The following TATDN2 variants were observed in gnomAD, a reference collection of about 807,000 sequenced individuals.
TATDN2 encodes the protein TatD DNase domain containing 2.
TATDN2 carries 44 observed loss-of-function variants against 60.3 expected under a neutral mutation model. The observed-to-expected ratio is 0.73, with a 90% confidence interval of 0.57 to 0.94. The LOEUF (loss-of-function observed/expected upper bound fraction) is 0.94, where lower values mean the gene tolerates loss of function less well. Ranked by LOEUF, TATDN2 falls within the 40% of genes least tolerant of loss-of-function variation. The pLI, the probability that TATDN2 is intolerant of heterozygous loss-of-function variation, is 0.00. For missense variants in TATDN2, 997 were observed against 948.0 expected (o/e 1.05, Z -0.68); for synonymous variants, 399 against 355.8 (o/e 1.12, Z -1.37).
intron 3 of TATDN2, among the ~76,000 whole-genome samples, chr3:10,262,631 G>C (rs1323990907): frequency 6.8e-6 from 1 of 146,850 alleles, no homozygotes; most frequent in Admixed American, 7.2e-5. Context: ...CACTTCCTGG[G>C]TTCAAGTGAT....
At position 10,260,246 on chromosome 3, in the gene TATDN2, G is replaced by A. The variant is rs752460238; in HGVS notation, c.524G>A (p.Arg175Lys). Reference protein sequence around the residue: ...EEPNKVQKRKRDRLRDQGSTM... With the variant: ...EEPNKVQKRKKDRLRDQGSTM... ...CCCAACAAGGTCCAGAAAAGGAAGA[G>A]GGATAGACTTCGAGACCAGGGCTCC... Residue 175 changes from arginine to lysine, a missense_variant, in exon 3 of 8, where the codon AGG becomes AAG. Coordinates refer to ENST00000448281, the MANE Select transcript of TATDN2 (RefSeq NM_014760.4). The A allele has an allele frequency of 1.4e-5, 22 of 1,614,052 alleles. No homozygotes were observed. The highest frequency in any genetic ancestry group is 1.7e-5 in the Non-Finnish European group (20 of 1,180,048).
intron 2 of TATDN2, among the ~76,000 whole-genome samples, chr3:10,251,841 C>T (rs2125170894): frequency 6.9e-6 from 1 of 144,812 alleles, no homozygotes; most frequent in African/African-American, 2.7e-5. Context: ...GCCACCACAC[C>T]CTGCAGATTA....
intron 2 of TATDN2, among the ~76,000 whole-genome samples, chr3:10,251,016 A>G (rs1698227065): frequency 6.6e-6 from 1 of 152,158 alleles, no homozygotes; most frequent in South Asian, 2.1e-4. Context: ...CCTGGAACTC[A>G]GGTTTGAGGG....
At chr3:10,251,488 C>G (rs1698231722) in intron 2 of TATDN2, among the ~76,000 whole-genome samples, 1 of 152,066 alleles carries the variant, frequency 6.6e-6, no homozygotes, top group African/African-American at 2.4e-5. Context: ...TGGGTTCAAA[C>G]AATTCTCCTG....
At chr3:10,264,357 T>C (rs1222330662) in intron 3 of TATDN2, among the ~76,000 whole-genome samples, 1 of 152,238 alleles carries the variant, frequency 6.6e-6, no homozygotes, top group East Asian at 1.9e-4. Flanking sequence ...TAGCCTCCAG[T>C]GCGTGATCAC....
intron 2 of TATDN2, among the ~76,000 whole-genome samples, chr3:10,250,872 A>G (rs1386497011): frequency 2.0e-5 from 3 of 152,240 alleles, no homozygotes; most frequent in Non-Finnish European, 4.4e-5. Context: ...TGGGTACAGC[A>G]TAAAATAATA....
rs1476664933 is a variant in TATDN2 at position 10,280,861 on chromosome 3, A to G, written c.*1679A>G. The stretch of plus-strand genomic sequence containing the variant: ...TTATAGTCACCAAGTGAACTGCAGC[A>G]CAACCATCTCCTCTCCAGCAAGCCC... On this transcript the variant is annotated 3_prime_UTR_variant, in exon 8 of 8. Transcript: ENST00000448281. 6.5e-6 allele frequency: 1 copy of G among 153,472 alleles called. No homozygotes were observed. 9.5% of individuals were successfully genotyped at this position (153,472 alleles called of 1,614,324 possible).
intron 3 of TATDN2, among the ~76,000 whole-genome samples, chr3:10,266,267 T>C (rs780374690): frequency 3.9e-5 from 6 of 152,258 alleles, no homozygotes; most frequent in Non-Finnish European, 8.8e-5. Flanking sequence ...TCCTCCCAAA[T>C]ATGTAATGGG....
chr3:10,271,626 C>A (rs1344276147), intron 4 of TATDN2, among the ~76,000 whole-genome samples: 2 of 151,950 alleles, frequency 1.3e-5, no homozygotes, highest in Non-Finnish European at 2.9e-5. Flanking sequence ...TTTAAATATA[C>A]CCATTGCAGA....
At position 10,278,582 on chromosome 3, in the gene TATDN2, G is replaced by A. The variant is rs1358091521; in HGVS notation, c.2145+120G>A. The A allele has an allele frequency of 7.4e-7, 1 of 1,343,324 alleles. No individual in the cohort carries two copies. The highest frequency in any genetic ancestry group is 1.1e-6 in the Non-Finnish European group (1 of 943,534). 83.2% of individuals were successfully genotyped at this position (1,343,324 alleles called of 1,614,324 possible). On this transcript the variant is annotated intron_variant, in intron 6 of 7. Transcript: ENST00000448281. This position sits in a 1 kb window ranked among gnomAD's most constrained non-coding sequence, Gnocchi z 4.7. ...TGACTTCCAGGTCCCATCCTGGGCTGTGTAGATGCCTCCTTGCTGTTACTC... is the reference window on the plus strand; with the variant it reads ...TGACTTCCAGGTCCCATCCTGGGCTATGTAGATGCCTCCTTGCTGTTACTC...
chr3:10,251,449 G>T (rs1698231330), intron 2 of TATDN2, among the ~76,000 whole-genome samples: 1 of 152,100 alleles, frequency 6.6e-6, no homozygotes, highest in African/African-American at 2.4e-5. Context: ...GCAGTGGCAT[G>T]ATCTCTGCTC....
chr3:10,262,230 C>T (rs138511656), intron 3 of TATDN2, among the ~76,000 whole-genome samples: 1 of 152,346 alleles, frequency 6.6e-6, no homozygotes, highest in East Asian at 1.9e-4. Context: ...GTCAGGCCAG[C>T]TGGCAGCTGT....
At chr3:10,277,706 G>A (rs1048236800) in intron 5 of TATDN2, among the ~76,000 whole-genome samples, 2 of 152,226 alleles carry the variant, frequency 1.3e-5, no homozygotes, top group Non-Finnish European at 1.5e-5. Flanking sequence ...CTTCATTTTG[G>A]GCTAACTTTG....
In TATDN2 at chr3:10,270,647, C is replaced by T. The variant is rs542312339; in HGVS notation, c.1465C>T (p.Pro489Ser). ...SSSLPKSHLEPSLEEGFIDTH... is the reference protein window; with the variant it reads ...SSSLPKSHLESSLEEGFIDTH... ...CTCCCTGCCAAAGAGCCACCTGGAGCCAAGCCTAGAGGAGGGCTTCATTGA... is the reference window on the plus strand; with the variant it reads ...CTCCCTGCCAAAGAGCCACCTGGAGTCAAGCCTAGAGGAGGGCTTCATTGA... The change falls in exon 4 of 8, where the codon CCA becomes TCA. Residue 489 changes from proline (P) to serine (S), a missense_variant. Pro to Ser is a moderately conservative substitution (Grantham distance 74, BLOSUM62 -1). Coordinates refer to ENST00000448281, the MANE Select transcript of TATDN2 (RefSeq NM_014760.4). The T allele has an allele frequency of 2.5e-5, 41 of 1,614,228 alleles. 1 individual carries two copies. The South Asian group carries it at 3.8e-4, about 15-fold the overall frequency.
intron 3 of TATDN2, among the ~76,000 whole-genome samples, chr3:10,266,914 AAACT>A (rs752439600): frequency 4.0e-5 from 6 of 149,796 alleles, no homozygotes; most frequent in Non-Finnish European, 7.4e-5. Flanking sequence ...ATACAGGCTT[AAACT>A]AACTAAGGCA....
At chr3:10,263,546 C>T (rs898306809) in intron 3 of TATDN2, among the ~76,000 whole-genome samples, 1 of 152,140 alleles carries the variant, frequency 6.6e-6, no homozygotes, top group Admixed American at 6.6e-5. Flanking sequence ...TCTTTATCTT[C>T]CAACCCAGCT....
chr3:10,257,979 C>T (rs1477790088), intron 2 of TATDN2, among the ~76,000 whole-genome samples: 2 of 146,682 alleles, frequency 1.4e-5, no homozygotes, highest in African/African-American at 5.0e-5. Context: ...TCCTGCCTCA[C>T]CCTCCCGAGT....
rs936172304 is a variant in TATDN2 at position 10,260,028 on chromosome 3, C to T, written c.415-109C>T. ...AGAGAACCTTTGCCTTAGCCACAGT[C>T]ACTTTCCCTTTGACTGGTAGAACCA... On this transcript the variant is annotated intron_variant, in intron 2 of 7. Coordinates refer to ENST00000448281, the MANE Select transcript of TATDN2 (RefSeq NM_014760.4). 3.8e-6 allele frequency: 5 copies of T among 1,305,550 alleles called. No individual in the cohort carries two copies. The African/African-American group carries it at 7.5e-5, about 20-fold the overall frequency. 80.9% of individuals were successfully genotyped at this position (1,305,550 alleles called of 1,614,324 possible).
chr3:10,258,385 C>G (rs1698347328), intron 2 of TATDN2, among the ~76,000 whole-genome samples: 2 of 152,042 alleles, frequency 1.3e-5, no homozygotes, highest in Admixed American at 6.6e-5. Flanking sequence ...TCAAGTGATT[C>G]TCCTGCCTCA....
Sources: gnomAD v4.1 joint callset for allele counts (sites outside exome capture counted in the v4.1 genomes callset) on GRCh38, gnomAD v4.1.1 for gene constraint, Gnocchi (gnomAD v3.1) non-coding constraint, MANE v1.5 for transcripts, NCBI Gene and HGNC (gene_info 2026-07-23, HGNC 2026-07-21) for gene names.